Variants in DLG4 observed in about 807,000 individuals in gnomAD.
The protein encoded by DLG4 is discs large MAGUK scaffold protein 4.
Under a neutral mutation model 93.8 loss-of-function variants are expected in DLG4, and 7 were observed. The observed-to-expected ratio is 0.07, with a 90% CI of 0.04 to 0.14. The LOEUF is 0.14. Among genes scored for constraint, DLG4 ranks in the 10% least tolerant of loss-of-function variants. The probability of loss-of-function intolerance (pLI) is 1.00; values close to 1 mark genes in which losing one functional copy is unlikely to be tolerated. For synonymous variants in DLG4, 341 were observed against 387.6 expected (o/e 0.88, Z 1.41); for missense variants, 545 against 992.9 (o/e 0.55, Z 6.06).
chr17:7,192,382 T>G (rs1597440409), intron 17 of DLG4: 9 of 179,654 alleles, frequency 5.0e-5, no homozygotes, highest in Non-Finnish European at 7.5e-5. Context: ...AGAAAGGAAG[T>G]AGGATAGAGG....
chr17:7,195,657 G>A lies in DLG4; in HGVS notation c.1301+563C>T, dbSNP rs535778581. Among the ~76,000 whole-genome samples, 2 of 152,212 alleles carry A rather than the reference G, an allele frequency of 1.3e-5. No individual in the cohort carries two copies. The highest frequency in any genetic ancestry group is 4.8e-5 in the African/African-American group (2 of 41,540). ...CCGAGAGACATCTGCAGAGCGCAGC[G>A]GCAGACGAGGCCATGCAAGCCACAG... On this transcript the variant is annotated intron_variant, in intron 11 of 19. Coordinates refer to ENST00000399506, the MANE Select transcript of DLG4 (RefSeq NM_001321075.3). This position sits in a 1 kb window ranked among gnomAD's most constrained non-coding sequence, Gnocchi z 4.3.
chr17:7,205,145 C>T (rs951702584), intron 2 of DLG4: 15 of 985,436 alleles, frequency 1.5e-5, no homozygotes, highest in Non-Finnish European at 1.8e-5. Context: ...TCCTCGCTCC[C>T]CTACGCCCCT....
At chr17:7,212,142 A>T (rs1463950215) in intron 1 of DLG4, among the ~76,000 whole-genome samples, 1 of 151,980 alleles carries the variant, frequency 6.6e-6, no homozygotes, top group Non-Finnish European at 1.5e-5. Context: ...GTCCAGGGAA[A>T]CAAACAGCAC....
At chr17:7,218,792 C>G, upstream of DLG4, 1 of 1,613,152 alleles carries the variant, frequency 6.2e-7, no homozygotes, top group Non-Finnish European at 8.5e-7. Context: ...CCCCACTTCG[C>G]TCCCAGACCT....
chr17:7,214,395 G>C (rs1281779886), intron 1 of DLG4, among the ~76,000 whole-genome samples: 1 of 151,910 alleles, frequency 6.6e-6, no homozygotes, highest in Non-Finnish European at 1.5e-5. Context: ...GATAGAGTAA[G>C]CCAGACCCCA....
At chr17:7,211,992 A>G (rs1453807961) in intron 1 of DLG4, among the ~76,000 whole-genome samples, 6 of 152,054 alleles carry the variant, frequency 3.9e-5, no homozygotes, top group Non-Finnish European at 8.8e-5. Flanking sequence ...AATTAAAGAC[A>G]GACTTAAATT....
chr17:7,218,926 T>A (rs1597512035), upstream of DLG4: 4 of 1,542,276 alleles, frequency 2.6e-6, no homozygotes, highest in East Asian at 6.7e-5. Flanking sequence ...AAATTCCAGC[T>A]GTGAGTAAAG....
chr17:7,189,445 A>T lies in DLG4; in HGVS notation c.*1263T>A, dbSNP rs192953053. Among the ~76,000 whole-genome samples the T allele has an allele frequency of 6.6e-6, 1 of 151,442 alleles. No homozygotes were observed. The highest frequency in any genetic ancestry group is 6.6e-5 in the Admixed American group (1 of 15,226). On this transcript the variant is annotated 3_prime_UTR_variant, in exon 20 of 20. Coordinates refer to ENST00000399506, the MANE Select transcript of DLG4 (RefSeq NM_001321075.3). ...CAGAGATCACAGTGAGCCGAGATCG[A>T]GCCACTGCACTCCAGCCTGTGCGAC...
chr17:7,207,400 G>T (rs1417421471), intron 2 of DLG4, among the ~76,000 whole-genome samples: 2 of 151,926 alleles, frequency 1.3e-5, no homozygotes, highest in African/African-American at 4.8e-5. Flanking sequence ...AGGGGGAAGA[G>T]AACTCAGGAG....
At chr17:7,213,767 C>A (rs1401273017) in intron 1 of DLG4, 1 of 471,170 alleles carries the variant, frequency 2.1e-6, no homozygotes, top group Admixed American at 2.3e-5. Context: ...AATGCCCATA[C>A]ATGGTAGAAA....
chr17:7,213,819 G>C (rs1468890996), intron 1 of DLG4: 1 of 471,014 alleles, frequency 2.1e-6, no homozygotes, highest in African/African-American at 2.0e-5. Flanking sequence ...GATTGACCCC[G>C]TTGATCGGCA....
At chr17:7,216,963 C>T (rs1301588253) in intron 1 of DLG4, among the ~76,000 whole-genome samples, 155 bp downstream of exon 1, 1 of 152,140 alleles carries the variant, frequency 6.6e-6, no homozygotes, top group Non-Finnish European at 1.5e-5. Flanking sequence ...CCTGCATTTT[C>T]TCAGATGTGA....
upstream of DLG4, chr17:7,219,893 A>C: frequency 7.0e-7 from 1 of 1,430,908 alleles, no homozygotes; most frequent in Non-Finnish European, 9.4e-7. Flanking sequence ...ACTGTGGACG[A>C]TGAGTCAGGG....
At chr17:7,198,312 G>A (rs560317223) in intron 8 of DLG4, among the ~76,000 whole-genome samples, 78 of 151,490 alleles carry the variant, frequency 5.1e-4, no homozygotes, top group African/African-American at 1.7e-3. Context: ...GTGAAATCCC[G>A]TCTCTACTAA....
chr17:7,197,151 A>G, intron 8 of DLG4, 99 bp from the exon 9 acceptor site: 2 of 1,219,436 alleles, frequency 1.6e-6, no homozygotes, highest in Non-Finnish European at 2.3e-6. Flanking sequence ...GTTAGGTGGA[A>G]GGGAAGATAT....
Position 7,191,870 on chromosome 17 carries a change from G to T in DLG4, c.1976+23C>A. 1 of 1,420,510 alleles carries T rather than the reference G, an allele frequency of 7.0e-7. No homozygotes were observed. The highest frequency in any genetic ancestry group is 9.3e-7 in the Non-Finnish European group (1 of 1,075,034). 88.0% of individuals were successfully genotyped at this position (1,420,510 alleles called of 1,614,324 possible). A position where few individuals can be genotyped will look rare whatever the true frequency, so the allele number is the denominator to read the frequency against. On this transcript the variant is annotated intron_variant, in intron 18 of 19. Transcript: ENST00000399506. This position sits in a 1 kb window ranked among gnomAD's most constrained non-coding sequence, Gnocchi z 6.6. ...CCACAGGTGTTGGGGGAGCAAAGGG[G>T]AGGCCCCCAGGACCATACTCACAGC...
intron 2 of DLG4, among the ~76,000 whole-genome samples, chr17:7,206,510 C>T (rs2142899308): frequency 6.6e-6 from 1 of 152,042 alleles, no homozygotes; most frequent in East Asian, 1.9e-4. Context: ...TACTAACTAC[C>T]ACCCCTCAGG....
intron 19 of DLG4, 149 bp from the exon 20 acceptor site, chr17:7,190,963 CTTTTTTTTTTTTTTTT>C (rs35868661): frequency 3.4e-6 from 1 of 295,978 alleles, no homozygotes; most frequent in African/African-American, 3.9e-5. Context: ...AGGGGCACCT[CTTTTTTTTTTTTTTTT>C]TTTTTTTTGA....
intron 2 of DLG4, chr17:7,205,217 C>A: frequency 8.3e-6 from 8 of 964,006 alleles, no homozygotes; most frequent in Non-Finnish European, 9.9e-6. Flanking sequence ...CGGGTCCTAT[C>A]CCGCTCATCT....
Sources: gnomAD v4.1 joint callset for allele counts (sites outside exome capture counted in the v4.1 genomes callset) on GRCh38, gnomAD v4.1.1 for gene constraint, Gnocchi (gnomAD v3.1) non-coding constraint, MANE v1.5 for transcripts, NCBI Gene and HGNC (gene_info 2026-07-23, HGNC 2026-07-21) for gene names.